Variants in HS6ST2 observed in about 807,000 individuals in gnomAD.
The protein encoded by HS6ST2 is heparan-sulfate 6-O-sulfotransferase 2.
A neutral mutation model predicts 33.0 loss-of-function variants in HS6ST2; 17 were observed. The ratio of observed to expected loss-of-function variants is 0.52; its 90% CI spans 0.35 to 0.77. HS6ST2 has a LOEUF of 0.77. Ranked by LOEUF, HS6ST2 falls within the 30% of genes least tolerant of loss-of-function variation. The probability of loss-of-function intolerance (pLI) is 0.01; values close to 1 mark genes in which losing one functional copy is unlikely to be tolerated. For synonymous variants in HS6ST2, 248 were observed against 237.1 expected (o/e 1.05, Z -0.42); for missense variants, 519 against 551.7 (o/e 0.94, Z 0.59).
intron 2 of HS6ST2, among the ~76,000 whole-genome samples, chrX:132,883,192 C>T (rs1176182160): frequency 2.7e-5 from 3 of 111,285 alleles, no homozygotes; most frequent in Non-Finnish European, 5.7e-5. Flanking sequence ...GGAATAGTTT[C>T]AGAAGGAATG....
intron 2 of HS6ST2, among the ~76,000 whole-genome samples, chrX:132,774,824 G>A (rs1486276573): frequency 9.0e-6 from 1 of 110,524 alleles, no homozygotes; most frequent in Non-Finnish European, 1.9e-5. Flanking sequence ...GGGATTACAG[G>A]TGTGCACAAC....
chrX:132,875,385 G>A (rs1209097906), intron 2 of HS6ST2, among the ~76,000 whole-genome samples: 1 of 111,663 alleles, frequency 9.0e-6, no homozygotes, highest in Non-Finnish European at 1.9e-5. Flanking sequence ...CGTCTCTGGA[G>A]ATGGAGCTTT....
chrX:132,718,912 C>T (rs2064302424), intron 2 of HS6ST2, among the ~76,000 whole-genome samples: 1 of 110,716 alleles, frequency 9.0e-6, no homozygotes, highest in Non-Finnish European at 1.9e-5. Flanking sequence ...GGGTGAGGTG[C>T]TCCTTGCTAT....
chrX:132,868,064 G>T (rs1246067257), intron 2 of HS6ST2, among the ~76,000 whole-genome samples: 1 of 111,760 alleles, frequency 8.9e-6, no homozygotes, highest in South Asian at 3.8e-4. Flanking sequence ...GACACAAATA[G>T]GCTCAAAATA....
At chrX:132,890,813 G>C (rs755905545) in intron 2 of HS6ST2, among the ~76,000 whole-genome samples, 8 of 110,778 alleles carry the variant, frequency 7.2e-5, no homozygotes, top group Non-Finnish European at 1.3e-4. Flanking sequence ...TTCAGCTCTA[G>C]GGAAATTAGG....
intron 2 of HS6ST2, among the ~76,000 whole-genome samples, chrX:132,765,224 G>A (rs2064835772): frequency 8.9e-6 from 1 of 112,020 alleles, no homozygotes; most frequent in Non-Finnish European, 1.9e-5. Context: ...AGGCACAAGT[G>A]GGAGAGATAT....
chrX:132,956,950 G>T lies in HS6ST2; in HGVS notation c.805C>A (p.Arg269=), dbSNP rs376871746. Reference sequence around the variant, plus strand: ...AGCCAGGTTTCCCGCTTACCCGGCCGGTGGCAAGTGCATTTCTTCTGACCC... The same window carrying T: ...AGCCAGGTTTCCCGCTTACCCGGCCTGTGGCAAGTGCATTTCTTCTGACCC... ...RVGQKKCTCH[R]PGKRETWLFS... is the part of the protein sequence containing the mutation. Residue 269 remains arginine (R), a synonymous_variant, in exon 2 of 5, where the codon CGG becomes AGG. Coordinates refer to ENST00000370833, the MANE Select transcript of HS6ST2 (RefSeq NM_001394073.1). 7 of 1,208,235 alleles carry T rather than the reference G, an allele frequency of 5.8e-6. No homozygotes were observed. Among genetic ancestry groups the T allele is most frequent in the Non-Finnish European group, 7.8e-6 (7 of 893,709 alleles).
intron 2 of HS6ST2, among the ~76,000 whole-genome samples, chrX:132,817,857 T>C (rs2065409934): frequency 9.0e-6 from 1 of 111,643 alleles, no homozygotes; most frequent in Non-Finnish European, 1.9e-5. Context: ...CTACCTCTGA[T>C]AGCTATGGTG....
intron 3 of HS6ST2, 107 bp from the exon 4 acceptor site, chrX:132,669,306 C>A: frequency 3.8e-6 from 2 of 520,003 alleles, no homozygotes; most frequent in Non-Finnish European, 6.0e-6. Flanking sequence ...TGCATATCCC[C>A]CCACCACCCC....
chrX:132,642,440 T>C (rs2148171029), intron 4 of HS6ST2, among the ~76,000 whole-genome samples: 1 of 111,359 alleles, frequency 9.0e-6, no homozygotes, highest in East Asian at 2.8e-4. Flanking sequence ...ACCCTGGCTT[T>C]TTCTGGGGGG....
rs568161194 is a variant in HS6ST2 at position 132,794,555 on chromosome X, G to GGATGAC, written c.948-86062_948-86061insGTCATC. ...ACTACAGGTGCATTTCACCACTCCT[G>GGATGAC]GATGATGATGATGATGATGATTATT... On this transcript the variant is annotated intron_variant, in intron 2 of 4. Coordinates refer to ENST00000370833, the MANE Select transcript of HS6ST2 (RefSeq NM_001394073.1). Among the ~76,000 whole-genome samples, 416 of 92,247 alleles carry GGATGAC rather than the reference G, an allele frequency of 4.5e-3. 3 individuals are homozygous for GGATGAC. Among genetic ancestry groups the GGATGAC allele is most frequent in the African/African-American group, 0.017 (391 of 23,587 alleles). 80.1% of individuals were successfully genotyped at this position (92,247 alleles called of 115,157 possible). A position where few individuals can be genotyped will look rare whatever the true frequency, so the allele number is the denominator to read the frequency against.
intron 2 of HS6ST2, among the ~76,000 whole-genome samples, chrX:132,938,763 G>A (rs1026696757): frequency 8.9e-6 from 1 of 112,202 alleles, no homozygotes; most frequent in Non-Finnish European, 1.9e-5. Context: ...AGCCAAGGAA[G>A]TAAGGCAGGA....
At chrX:132,729,233 A>AAC (rs1268160976) in intron 2 of HS6ST2, among the ~76,000 whole-genome samples, 1 of 112,469 alleles carries the variant, frequency 8.9e-6, no homozygotes, top group Non-Finnish European at 1.9e-5. Flanking sequence ...GTGAATTTCA[A>AAC]ACACTTTTAG....
At chrX:132,948,519 G>A (rs1296220231) in intron 2 of HS6ST2, among the ~76,000 whole-genome samples, 1 of 112,058 alleles carries the variant, frequency 8.9e-6, no homozygotes, top group African/African-American at 3.2e-5. Flanking sequence ...AAGCACAGTG[G>A]AATGTGCAAG....
intron 4 of HS6ST2, among the ~76,000 whole-genome samples, chrX:132,636,617 C>T (rs956507546): frequency 9.0e-6 from 1 of 111,675 alleles, no homozygotes; most frequent in African/African-American, 3.3e-5. Context: ...GATACTGAGG[C>T]CCAGAGAGAG....
chrX:132,887,555 G>A (rs1339331920), intron 2 of HS6ST2, among the ~76,000 whole-genome samples: 1 of 112,019 alleles, frequency 8.9e-6, no homozygotes, highest in Non-Finnish European at 1.9e-5. Context: ...CTATTGAGAA[G>A]GTATAATGGT....
intron 3 of HS6ST2, 77 bp from the exon 4 acceptor site, chrX:132,669,276 A>G: frequency 2.3e-6 from 2 of 877,867 alleles, no homozygotes; most frequent in East Asian, 6.8e-5. Flanking sequence ...CACTTCATTT[A>G]AAGACTCTCA....
intron 2 of HS6ST2, among the ~76,000 whole-genome samples, chrX:132,902,548 G>A (rs2066435236): frequency 8.9e-6 from 1 of 111,974 alleles, no homozygotes; most frequent in African/African-American, 3.2e-5. Context: ...AATTTAAGAA[G>A]CCTGGTCTGT....
chrX:132,821,008 T>C (rs2065448750), intron 2 of HS6ST2, among the ~76,000 whole-genome samples: 1 of 110,586 alleles, frequency 9.0e-6, no homozygotes, highest in Non-Finnish European at 1.9e-5. Context: ...GGTTTATTTA[T>C]GAAATTCAGA....
Sources: allele counts gnomAD v4.1 joint callset (sites outside exome capture counted in the v4.1 genomes callset), GRCh38; gene constraint gnomAD v4.1.1; transcripts MANE v1.5; gene names NCBI Gene and HGNC (gene_info 2026-07-23, HGNC 2026-07-21).